Variants in SOX5 observed in about 807,000 individuals in gnomAD.
SOX5 encodes the protein SRY-box transcription factor 5, also known as transcription factor SOX-5.
A neutral mutation model predicts 92.0 loss-of-function variants in SOX5; 9 were observed. The ratio of observed to expected loss-of-function variants is 0.10; its 90% CI spans 0.06 to 0.17. SOX5 has a LOEUF of 0.17. Among genes scored for constraint, SOX5 ranks in the 10% least tolerant of loss-of-function variants. The pLI is 1.00. For missense variants in SOX5, 642 were observed against 944.5 expected (o/e 0.68, Z 4.20); for synonymous variants, 344 against 336.3 (o/e 1.02, Z -0.25).
intron 9 of SOX5, among the ~76,000 whole-genome samples, chr12:23,596,824 G>A (rs1952552855): frequency 6.6e-6 from 1 of 152,168 alleles, no homozygotes; most frequent in Non-Finnish European, 1.5e-5. Flanking sequence ...AGCTAGATAA[G>A]TAGTGTGACA....
chr12:24,140,523 A>G (rs760920105), intron 4 of SOX5, among the ~76,000 whole-genome samples: 1 of 152,208 alleles, frequency 6.6e-6, no homozygotes, highest in Non-Finnish European at 1.5e-5. Context: ...ATTGATGCCA[A>G]TGAAATATAT....
At chr12:23,789,539 C>T (rs1462549203) in intron 3 of SOX5, among the ~76,000 whole-genome samples, 2 of 152,044 alleles carry the variant, frequency 1.3e-5, no homozygotes, top group African/African-American at 4.8e-5. Context: ...TGTTTAGGGG[C>T]AAGGTCTCAC....
At chr12:24,560,896 G>A (rs1254347504) in intron 1 of SOX5, among the ~76,000 whole-genome samples, 1 of 152,134 alleles carries the variant, frequency 6.6e-6, no homozygotes, top group Non-Finnish European at 1.5e-5. Flanking sequence ...TCATTGGCCT[G>A]TTTGTGTCTG....
intron 7 of SOX5, among the ~76,000 whole-genome samples, chr12:23,663,425 G>A (rs1430987520): frequency 6.6e-6 from 1 of 152,084 alleles, no homozygotes; most frequent in Non-Finnish European, 1.5e-5. Flanking sequence ...ATGAGAGTGA[G>A]GTGGAGGTGT....
intron 4 of SOX5, among the ~76,000 whole-genome samples, chr12:23,752,321 A>T (rs2094206121): frequency 6.6e-6 from 1 of 151,916 alleles, no homozygotes; most frequent in African/African-American, 2.4e-5. Context: ...AGAATTTTTT[A>T]AAGTGACTTG....
intron 6 of SOX5, among the ~76,000 whole-genome samples, chr12:23,707,943 C>CTGAA (rs1262523494): frequency 6.6e-6 from 1 of 151,998 alleles, no homozygotes; most frequent in Admixed American, 6.6e-5. Flanking sequence ...ATTTTTAATT[C>CTGAA]TTTTCAACTG....
At chr12:24,470,782 C>A (rs1447513654) in intron 1 of SOX5, among the ~76,000 whole-genome samples, 2 of 152,158 alleles carry the variant, frequency 1.3e-5, no homozygotes, top group Non-Finnish European at 2.9e-5. Flanking sequence ...AGATAGCTAA[C>A]CTTTCCAAAC....
At chr12:24,053,235 C>A (rs1407966124) in intron 4 of SOX5, among the ~76,000 whole-genome samples, 1 of 145,288 alleles carries the variant, frequency 6.9e-6, no homozygotes, top group African/African-American at 2.6e-5. Flanking sequence ...AGGCTGGATT[C>A]TTCTGCCTCA....
intron 2 of SOX5, chr12:24,367,848 T>C (rs568537909): frequency 2.6e-5 from 4 of 152,280 alleles, no homozygotes; most frequent in Middle Eastern, 3.4e-3. Context: ...AAATTTCTTA[T>C]CTTATTTTCT....
At chr12:24,266,399 T>C (rs1384114149) in intron 3 of SOX5, among the ~76,000 whole-genome samples, 3 of 152,176 alleles carry the variant, frequency 2.0e-5, no homozygotes, top group African/African-American at 7.2e-5. Flanking sequence ...AGACTTTTAA[T>C]GTGCACTGTG....
chr12:24,106,803 TA>T (rs1555511709), intron 4 of SOX5, among the ~76,000 whole-genome samples: 1 of 81,388 alleles, frequency 1.2e-5, no homozygotes, highest in African/African-American at 3.2e-5. Flanking sequence ...ATAATAATAA[TA>T]ATAATAATAA....
chr12:24,064,527 G>T (rs2137318489), intron 4 of SOX5, among the ~76,000 whole-genome samples: 1 of 152,230 alleles, frequency 6.6e-6, no homozygotes, highest in South Asian at 2.1e-4. Flanking sequence ...AGAACAATCA[G>T]AAATGATTTA....
chr12:23,921,509 C>T (rs946877012), intron 1 of SOX5, among the ~76,000 whole-genome samples: 8 of 152,124 alleles, frequency 5.3e-5, no homozygotes, highest in African/African-American at 1.9e-4. Flanking sequence ...AGGTGTTTCC[C>T]TTAGAAGCAA....
At chr12:24,046,587 G>A (rs1957047393) in intron 4 of SOX5, among the ~76,000 whole-genome samples, 1 of 150,796 alleles carries the variant, frequency 6.6e-6, no homozygotes, top group Non-Finnish European at 1.5e-5. Flanking sequence ...AATCAGTAAA[G>A]ACAACTTAAT....
chr12:24,425,817 G>A (rs1566132345), intron 1 of SOX5, among the ~76,000 whole-genome samples: 1 of 152,042 alleles, frequency 6.6e-6, no homozygotes, highest in Non-Finnish European at 1.5e-5. Context: ...AAACTCACAG[G>A]GCACACTGTG....
intron 6 of SOX5, among the ~76,000 whole-genome samples, chr12:23,711,671 CAG>C (rs2092067338): frequency 6.6e-6 from 1 of 151,872 alleles, no homozygotes; most frequent in Non-Finnish European, 1.5e-5. Flanking sequence ...CAAAACTAAA[CAG>C]AAAACGTTAA....
intron 3 of SOX5, among the ~76,000 whole-genome samples, chr12:23,787,887 T>C (rs1028687415): frequency 1.3e-5 from 2 of 151,602 alleles, no homozygotes; most frequent in Non-Finnish European, 3.0e-5. Flanking sequence ...AGATAATACA[T>C]AGGAAAGTGA....
At chr12:23,547,560 T>C (rs1348930406) in intron 11 of SOX5, among the ~76,000 whole-genome samples, 1 of 152,076 alleles carries the variant, frequency 6.6e-6, no homozygotes, top group Non-Finnish European at 1.5e-5. Context: ...TTGAAATTCT[T>C]AACACAGTAC....
intron 1 of SOX5, among the ~76,000 whole-genome samples, chr12:24,536,385 G>A (rs185284831): frequency 7.9e-5 from 12 of 152,252 alleles, no homozygotes; most frequent in Admixed American, 5.9e-4. Flanking sequence ...CTATCAGACC[G>A]ATTTAAGACC....
Sources: gnomAD v4.1 joint callset for allele counts (sites outside exome capture counted in the v4.1 genomes callset) on GRCh38, gnomAD v4.1.1 for gene constraint, MANE v1.5 for transcripts, NCBI Gene and HGNC (gene_info 2026-07-23, HGNC 2026-07-21) for gene names.